Variants in MSRA observed in about 807,000 individuals in gnomAD.
MSRA encodes methionine sulfoxide reductase A.
In MSRA, 54 loss-of-function variants were observed where a neutral mutation model predicts 31.3. That is an observed-to-expected ratio of 1.73 (90% CI 1.39 to 2.17). The LOEUF (loss-of-function observed/expected upper bound fraction) is 2.17. Ranked by LOEUF, MSRA falls within the 30% of genes most tolerant of loss-of-function variation. The pLI, the probability that MSRA is intolerant of heterozygous loss-of-function variation, is 0.00. For missense variants in MSRA, 507 were observed against 300.9 expected (o/e 1.69, Z -5.07); for synonymous variants, 169 against 116.5 (o/e 1.45, Z -2.90).
chr8:10,105,680 T>C (rs1297858901), intron 1 of MSRA, among the ~76,000 whole-genome samples: 1 of 152,168 alleles, frequency 6.6e-6, no homozygotes, highest in Non-Finnish European at 1.5e-5. Flanking sequence ...AAGCACTTTC[T>C]CCTTCCCCTA....
rs529345746 is a variant in MSRA at position 10,190,291 on chromosome 8, T to C, written c.143-17542T>C. On this transcript the variant is annotated intron_variant, in intron 1 of 5. Transcript: ENST00000317173. ...AAACCCTCAGCCTGGTGGTAATGTT[T>C]CTGCAGCCCTCCCCACAGGGCACCA... 3.3e-5 allele frequency among the ~76,000 whole-genome samples: 5 copies of C among 152,180 alleles called. No homozygotes were observed. The South Asian group carries it at 8.3e-4, about 25-fold the overall frequency.
intron 1 of MSRA, among the ~76,000 whole-genome samples, chr8:10,205,111 C>G (rs969341646): frequency 6.6e-6 from 1 of 151,652 alleles, no homozygotes; most frequent in Non-Finnish European, 1.5e-5. Flanking sequence ...TCATGGGATG[C>G]CATGGAAGGG....
intron 5 of MSRA, among the ~76,000 whole-genome samples, chr8:10,354,795 A>G: frequency 6.7e-6 from 1 of 148,674 alleles, no homozygotes; most frequent in African/African-American, 2.5e-5. Flanking sequence ...ATATAATAAA[A>G]TGTTATTTTA....
chr8:10,096,644 A>G (rs1396816726), intron 1 of MSRA, among the ~76,000 whole-genome samples: 1 of 152,180 alleles, frequency 6.6e-6, no homozygotes, highest in Non-Finnish European at 1.5e-5. Flanking sequence ...GAAAATTTAG[A>G]AAGTTTACCG....
At chr8:10,128,398 T>G (rs12545775) in intron 1 of MSRA, among the ~76,000 whole-genome samples, 30,525 of 151,916 alleles carry the variant, frequency 0.2, 4,174 homozygotes, top group East Asian at 0.57. Context: ...AAAAAAATTC[T>G]GTCTAAATTC....
At chr8:10,211,003 C>T (rs753237647) in intron 2 of MSRA, among the ~76,000 whole-genome samples, 9 of 151,858 alleles carry the variant, frequency 5.9e-5, no homozygotes, top group Admixed American at 1.3e-4. Context: ...CCCCAAATGC[C>T]GGGATTACAG....
In MSRA at chr8:10,301,540, CTG is replaced by C; in HGVS notation, c.339_340del (p.Gly114ProfsTer17). 1 of 1,610,400 alleles carries C rather than the reference CTG, an allele frequency of 6.2e-7. No individual in the cohort carries two copies. The highest frequency in any genetic ancestry group is 8.5e-7 in the Non-Finnish European group (1 of 1,178,998). ...ACGTTTTGTTTTTTCCAAGAAAAAA[CTG>C]GCCATGCAGAAGTCGTCCGAGTGGT... On this transcript the variant is annotated frameshift_variant, in exon 4 of 6. Transcript: ENST00000317173. LOFTEE classifies it high-confidence loss of function.
chr8:10,399,425 C>G (rs1398360200), intron 5 of MSRA, among the ~76,000 whole-genome samples: 2 of 152,156 alleles, frequency 1.3e-5, no homozygotes, highest in Non-Finnish European at 2.9e-5. Flanking sequence ...AGCGCCATCT[C>G]CTTGGTGATG....
At chr8:10,414,332 C>T (rs547533633) in intron 5 of MSRA, among the ~76,000 whole-genome samples, 23 of 152,322 alleles carry the variant, frequency 1.5e-4, no homozygotes, top group Admixed American at 1.2e-3. Flanking sequence ...CCTCATTTTA[C>T]GGCTGGAGAA....
intron 4 of MSRA, among the ~76,000 whole-genome samples, chr8:10,315,437 G>C (rs1413071456): frequency 6.6e-6 from 1 of 152,234 alleles, no homozygotes; most frequent in South Asian, 2.1e-4. Context: ...TGGTGGTGAT[G>C]TGAGTATTCA....
intron 2 of MSRA, 88 bp downstream of exon 2, chr8:10,207,989 C>G (rs1371116658): frequency 4.0e-6 from 4 of 999,504 alleles, no homozygotes. Context: ...CTCAGGGCTT[C>G]AAAATCTGGG....
At chr8:10,214,451 G>A (rs1809804051) in intron 2 of MSRA, among the ~76,000 whole-genome samples, 1 of 152,108 alleles carries the variant, frequency 6.6e-6, no homozygotes, top group African/African-American at 2.4e-5. Context: ...GAAGCAGCCG[G>A]CAATATGTCA....
At chr8:10,085,490 T>C (rs1327092679) in intron 1 of MSRA, among the ~76,000 whole-genome samples, 1 of 152,176 alleles carries the variant, frequency 6.6e-6, no homozygotes, top group Non-Finnish European at 1.5e-5. Flanking sequence ...GAGCGGAACC[T>C]CTTTTAGGTG....
chr8:10,428,016 G>T lies in MSRA; in HGVS notation c.544-132G>T. ...ACTCCACTTGGAATGCGGAGAGCCC[G>T]GCCTAAAGGGGACCCACTGCACATC... is the stretch of plus-strand genomic sequence containing the variant. On this transcript the variant is annotated intron_variant, in intron 5 of 5. Transcript: ENST00000317173. 6 of 887,158 alleles carry T rather than the reference G, an allele frequency of 6.8e-6. No homozygotes were observed. In the South Asian group the frequency reaches 1.1e-4, roughly 17 times the overall value. 55.0% of individuals were successfully genotyped at this position (887,158 alleles called of 1,614,324 possible). A position where few individuals can be genotyped will look rare whatever the true frequency, so the allele number is the denominator to read the frequency against.
intron 3 of MSRA, among the ~76,000 whole-genome samples, chr8:10,295,986 T>C (rs1800520450): frequency 6.6e-6 from 1 of 152,218 alleles, no homozygotes; most frequent in South Asian, 2.1e-4. Context: ...CCTGGCTTAA[T>C]AAGAAACTAG....
At chr8:10,275,311 A>C (rs1467483392) in intron 3 of MSRA, among the ~76,000 whole-genome samples, 1 of 152,226 alleles carries the variant, frequency 6.6e-6, no homozygotes, top group African/African-American at 2.4e-5. Flanking sequence ...ACAGCTCTCT[A>C]AGCAGAAGAG....
chr8:10,329,961 A>G (rs1231513802), intron 5 of MSRA, among the ~76,000 whole-genome samples: 1 of 151,890 alleles, frequency 6.6e-6, no homozygotes, highest in African/African-American at 2.4e-5. Context: ...AACAGTAGAA[A>G]AAAATAAATC....
At chr8:10,255,219 G>A (rs1409948022) in intron 3 of MSRA, among the ~76,000 whole-genome samples, 2 of 152,190 alleles carry the variant, frequency 1.3e-5, no homozygotes, top group African/African-American at 4.8e-5. Context: ...TCCACACCTC[G>A]CTCATCACTA....
intron 5 of MSRA, among the ~76,000 whole-genome samples, chr8:10,341,267 A>C (rs1345880484): frequency 6.6e-6 from 1 of 152,136 alleles, no homozygotes; most frequent in Non-Finnish European, 1.5e-5. Flanking sequence ...GCTCCTAGGG[A>C]GGCCTCAGGA....
Sources: gnomAD v4.1 joint callset for allele counts (sites outside exome capture counted in the v4.1 genomes callset) on GRCh38, gnomAD v4.1.1 for gene constraint, MANE v1.5 for transcripts, NCBI Gene and HGNC (gene_info 2026-07-23, HGNC 2026-07-21) for gene names.